The following EIF2AK3 variants were observed in gnomAD, a reference collection of about 807,000 sequenced individuals.
The protein encoded by EIF2AK3 is eukaryotic translation initiation factor 2-alpha kinase 3.
A neutral mutation model predicts 113.5 loss-of-function variants in EIF2AK3; 50 were observed. That is an observed-to-expected ratio of 0.44 (90% CI 0.35 to 0.56). The LOEUF is 0.56. EIF2AK3 is among the 20% of genes least tolerant of loss of function. The pLI, the probability that EIF2AK3 is intolerant of heterozygous loss-of-function variation, is 0.00. For missense variants in EIF2AK3, 1,185 were observed against 1,378.0 expected (o/e 0.86, Z 2.22); for synonymous variants, 448 against 495.4 (o/e 0.90, Z 1.27).
chr2:88,583,023 T>A (rs1413388109), intron 10 of EIF2AK3, among the ~76,000 whole-genome samples: 1 of 152,194 alleles, frequency 6.6e-6, no homozygotes, highest in Non-Finnish European at 1.5e-5. Context: ...ATCTGTTCTA[T>A]TAGTGTTTTT....
chr2:88,619,109 C>A (rs762012225), intron 1 of EIF2AK3, among the ~76,000 whole-genome samples: 8 of 151,956 alleles, frequency 5.3e-5, no homozygotes, highest in Non-Finnish European at 1.0e-4. Context: ...CCTGCCTCAG[C>A]CTCCCAAGTA....
At chr2:88,576,341 A>G (rs1166743746) in intron 12 of EIF2AK3, among the ~76,000 whole-genome samples, 2 of 152,094 alleles carry the variant, frequency 1.3e-5, no homozygotes, top group Non-Finnish European at 2.9e-5. Context: ...CGGCCTCCCA[A>G]AGTGCTGGGA....
chr2:88,624,125 C>G (rs1675800880), intron 1 of EIF2AK3, among the ~76,000 whole-genome samples: 1 of 151,878 alleles, frequency 6.6e-6, no homozygotes. Flanking sequence ...CCGAGTAGCT[C>G]GGATTACAGG....
At chr2:88,569,040 G>A (rs903917962) in intron 14 of EIF2AK3, among the ~76,000 whole-genome samples, 19 of 152,094 alleles carry the variant, frequency 1.2e-4, no homozygotes, top group African/African-American at 4.1e-4. Flanking sequence ...ACAGGCATGC[G>A]TTACTATGCC....
At chr2:88,586,166 C>A in intron 8 of EIF2AK3, 105 bp from the exon 9 acceptor site, 1 of 881,826 alleles carries the variant, frequency 1.1e-6, no homozygotes, top group Non-Finnish European at 1.8e-6. Context: ...CACATTAATT[C>A]CTTTTAAGTT....
chr2:88,564,003 T>A (rs1267403262), intron 14 of EIF2AK3, among the ~76,000 whole-genome samples: 2 of 152,188 alleles, frequency 1.3e-5, no homozygotes, highest in Admixed American at 1.3e-4. Context: ...ATTTATTTAT[T>A]GTTTCTAACG....
chr2:88,563,614 G>A (rs1318707596), intron 14 of EIF2AK3, among the ~76,000 whole-genome samples: 1 of 152,198 alleles, frequency 6.6e-6, no homozygotes, highest in Non-Finnish European at 1.5e-5. Context: ...AGGGCAGATG[G>A]AAATGTGTAC....
chr2:88,581,123 C>G (rs1674589177), intron 10 of EIF2AK3, among the ~76,000 whole-genome samples: 1 of 151,492 alleles, frequency 6.6e-6, no homozygotes, highest in Non-Finnish European at 1.5e-5. Flanking sequence ...GATTTGAACT[C>G]ATGACTGAAT....
At chr2:88,592,205 T>TA (rs945592605) in intron 4 of EIF2AK3, among the ~76,000 whole-genome samples, 13 of 152,246 alleles carry the variant, frequency 8.5e-5, no homozygotes, top group African/African-American at 3.1e-4. Flanking sequence ...TCACATTTTT[T>TA]AATCACATAT....
At position 88,627,391 on chromosome 2, in the gene EIF2AK3, G is replaced by T. The variant is rs1184318129; in HGVS notation, c.-117C>A. 27 of 1,236,102 alleles carry T rather than the reference G, an allele frequency of 2.2e-5. No homozygotes were observed. Among genetic ancestry groups the T allele is most frequent in the Non-Finnish European group, 2.8e-5 (27 of 962,820 alleles). The allele number at this position is 1,236,102 out of a possible 1,614,324, so 76.6% of individuals were successfully genotyped here. A position where few individuals can be genotyped will look rare whatever the true frequency, so the allele number is the denominator to read the frequency against. ...TAGGGACCCTACTGCCGCCCCGACGGCCTGGACAGCCAGCCGTGTTCCCCT... is the reference window on the plus strand; with the variant it reads ...TAGGGACCCTACTGCCGCCCCGACGTCCTGGACAGCCAGCCGTGTTCCCCT... On this transcript the variant is annotated 5_prime_UTR_variant, in exon 1 of 17. Transcript: ENST00000303236.
chr2:88,598,561 T>A (rs980236840), intron 2 of EIF2AK3, among the ~76,000 whole-genome samples: 3 of 151,576 alleles, frequency 2.0e-5, no homozygotes, highest in Non-Finnish European at 2.9e-5. Context: ...AATTCCATTT[T>A]AAAAATAACA....
chr2:88,565,040 T>TC (rs1322999723), intron 14 of EIF2AK3, among the ~76,000 whole-genome samples: 1 of 139,362 alleles, frequency 7.2e-6, no homozygotes, highest in South Asian at 2.2e-4. Flanking sequence ...AAAAAGGTGT[T>TC]TTTTTTTTTT....
chr2:88,575,428 G>C lies in EIF2AK3; in HGVS notation c.2055C>G (p.Ser685Arg), dbSNP rs746972131. Residue 685 changes from serine to arginine, a missense_variant, in exon 13 of 17, where the codon AGC becomes AGG. Coordinates refer to ENST00000303236, the MANE Select transcript of EIF2AK3 (RefSeq NM_004836.7). ...ATGGTGCATCCATTGGGCTAGGAGA[G>C]CTGAGTGGCCAGTCTGTGCTAAAAG... The part of the protein sequence containing the change: ...LKDESTDWPL[S>R]SPSPMDAPSV... 1.2e-6 allele frequency: 2 copies of C among 1,608,596 alleles called. No individual in the cohort carries two copies. The highest frequency in any genetic ancestry group is 1.7e-6 in the Non-Finnish European group (2 of 1,179,982).
chr2:88,593,431 A>G (rs371924514), intron 3 of EIF2AK3, 26 bp from the exon 4 acceptor site: 301 of 1,613,212 alleles, frequency 1.9e-4, no homozygotes, highest in Non-Finnish European at 2.4e-4. Context: ...TAGATACAAA[A>G]TTAGTAAAAG....
chr2:88,572,245 C>G (rs770714094), intron 13 of EIF2AK3, among the ~76,000 whole-genome samples: 4 of 152,226 alleles, frequency 2.6e-5, no homozygotes, highest in African/African-American at 4.8e-5. Flanking sequence ...CAACTCCCAA[C>G]ATCTGATGGC....
At chr2:88,595,952 A>G (rs1003754364) in intron 2 of EIF2AK3, 3 of 451,136 alleles carry the variant, frequency 6.6e-6, no homozygotes, top group Non-Finnish European at 1.2e-5. Context: ...GGGTCCCATA[A>G]TGGTAGGTGA....
intron 2 of EIF2AK3, among the ~76,000 whole-genome samples, chr2:88,603,612 A>C (rs781598804): frequency 2.4e-4 from 36 of 152,346 alleles, no homozygotes; most frequent in Middle Eastern, 3.4e-3. Flanking sequence ...GATAATCCCT[A>C]AAATCCTACT....
intron 15 of EIF2AK3, among the ~76,000 whole-genome samples, chr2:88,561,667 C>T (rs1230993048): frequency 1.3e-5 from 2 of 152,126 alleles, no homozygotes; most frequent in East Asian, 3.9e-4. Context: ...CCAGCCTAGA[C>T]AACATAGGCA....
chr2:88,573,936 T>C (rs1235333040), intron 13 of EIF2AK3, among the ~76,000 whole-genome samples: 2 of 152,192 alleles, frequency 1.3e-5, no homozygotes, highest in African/African-American at 2.4e-5. Context: ...TGTGGGAAAT[T>C]AGTTAAATAA....
Sources: gnomAD v4.1 joint callset for allele counts (sites outside exome capture counted in the v4.1 genomes callset) on GRCh38, gnomAD v4.1.1 for gene constraint, MANE v1.5 for transcripts, NCBI Gene and HGNC (gene_info 2026-07-23, HGNC 2026-07-21) for gene names.